Variants in WAPL observed in about 807,000 individuals in gnomAD.
The protein encoded by WAPL is wings apart-like protein homolog.
In WAPL, 5 loss-of-function variants were observed where a neutral mutation model predicts 121.0. That is an observed-to-expected ratio of 0.04 (90% CI 0.02 to 0.09). WAPL has a LOEUF of 0.09. WAPL is among the 10% of genes least tolerant of loss of function. The probability of loss-of-function intolerance (pLI) is 1.00; values close to 1 mark genes in which losing one functional copy is unlikely to be tolerated. For synonymous variants in WAPL, 480 were observed against 481.5 expected, an observed-to-expected ratio of 1.00 and a Z score of 0.04; for missense variants, 999 against 1,410.8, an observed-to-expected ratio of 0.71 and a Z score of 4.68.
intron 12 of WAPL, among the ~76,000 whole-genome samples, chr10:86,455,704 A>AG (rs1491523820): frequency 7.1e-5 from 9 of 126,484 alleles, no homozygotes; most frequent in African/African-American, 1.9e-4. Flanking sequence ...AAAGAAAGAA[A>AG]GAAAAAAAAA....
At chr10:86,485,049 CTCCCCCGTCCCTCCCATCT>C (rs1841898413) in intron 4 of WAPL, among the ~76,000 whole-genome samples, 2 of 147,466 alleles carry the variant, frequency 1.4e-5, no homozygotes, top group Non-Finnish European at 3.0e-5. Context: ...TCTCTCTCCC[CTCCCCCGTCCCTCCCATCT>C]CCCCCCACTC....
At chr10:86,470,323 C>T (rs756219065) in intron 8 of WAPL, among the ~76,000 whole-genome samples, 7 of 152,012 alleles carry the variant, frequency 4.6e-5, no homozygotes, top group African/African-American at 9.7e-5. Context: ...CATGAGCCAC[C>T]GCGCCCAGCC....
chr10:86,450,008 A>G (rs145653471), intron 15 of WAPL, among the ~76,000 whole-genome samples: 305 of 152,330 alleles, frequency 2.0e-3, no homozygotes, highest in African/African-American at 6.8e-3. Context: ...GCAGATGAAA[A>G]TGGTGAAACT....
intron 8 of WAPL, among the ~76,000 whole-genome samples, 155 bp from the exon 9 acceptor site, chr10:86,467,661 C>T (rs898716459): frequency 6.6e-6 from 1 of 151,658 alleles, no homozygotes; most frequent in Non-Finnish European, 1.5e-5. Flanking sequence ...TTTTATTCAG[C>T]GGTCCCTCTA....
chr10:86,488,369 G>A (rs1841971152), intron 4 of WAPL: 1 of 152,174 alleles, frequency 6.6e-6, no homozygotes, highest in Admixed American at 6.5e-5. Flanking sequence ...CTGCAAACAG[G>A]AATCCTTGAA....
At chr10:86,486,071 G>C (rs1265601234) in intron 4 of WAPL, among the ~76,000 whole-genome samples, 1 of 152,104 alleles carries the variant, frequency 6.6e-6, no homozygotes, top group Non-Finnish European at 1.5e-5. Context: ...CAATCCAATT[G>C]CTACAGTCAT....
chr10:86,463,551 C>A (rs1841335013), intron 9 of WAPL, among the ~76,000 whole-genome samples: 1 of 152,154 alleles, frequency 6.6e-6, no homozygotes, highest in African/African-American at 2.4e-5. Flanking sequence ...GAAAAAAGCT[C>A]ACAGAATATT....
chr10:86,437,874 G>GT, intron 18 of WAPL, 46 bp downstream of exon 18: 3 of 1,400,550 alleles, frequency 2.1e-6, no homozygotes, highest in Non-Finnish European at 2.0e-6. Flanking sequence ...TACTGTCAAT[G>GT]TATTATAAAT....
intron 1 of WAPL, among the ~76,000 whole-genome samples, chr10:86,521,036 C>G (rs1044360600): frequency 1.3e-5 from 2 of 152,082 alleles, no homozygotes; most frequent in African/African-American, 4.8e-5. Flanking sequence ...TTCGACGCCC[C>G]GGAAGCCTCT....
rs559987194 is a variant in WAPL at position 86,496,215 on chromosome 10, T to C, written c.1644+986A>G. On this transcript the variant is annotated intron_variant, in intron 4 of 18. Coordinates refer to ENST00000298767, the MANE Select transcript of WAPL (RefSeq NM_015045.5). ...AAAAAATGCTCAACATCACTAATCA[T>C]TAGTGAAGTGCAAATCAAACCACAA... 5.9e-5 allele frequency among the ~76,000 whole-genome samples: 9 copies of C among 152,308 alleles called. No homozygotes were observed. In the East Asian group the frequency reaches 1.7e-3, roughly 29 times the overall value.
At chr10:86,509,630 C>T (rs1323285024) in intron 2 of WAPL, among the ~76,000 whole-genome samples, 2 of 152,168 alleles carry the variant, frequency 1.3e-5, no homozygotes, top group African/African-American at 4.8e-5. Context: ...AAGGAGGCAT[C>T]CCCGTAGACC....
Position 86,472,378 on chromosome 10 carries a change from C to G in WAPL, c.1894-34G>C. Reference sequence around the variant, plus strand: ...AAAAAAAAAGTTCACCCCTTTTTAACTAGGAACTAGCATATTTAAATCTAT... The same window carrying G: ...AAAAAAAAAGTTCACCCCTTTTTAAGTAGGAACTAGCATATTTAAATCTAT... On this transcript the variant is annotated intron_variant, in intron 6 of 18. Coordinates refer to ENST00000298767, the MANE Select transcript of WAPL (RefSeq NM_015045.5). This position sits in a 1 kb window ranked among gnomAD's most constrained non-coding sequence, Gnocchi z 4.2. 1 of 1,584,358 alleles carries G rather than the reference C, an allele frequency of 6.3e-7. No individual in the cohort carries two copies. Among genetic ancestry groups the G allele is most frequent in the Non-Finnish European group, 8.5e-7 (1 of 1,172,626 alleles).
rs146887566 is a variant in WAPL, at chr10:86,499,769, G to C, written c.1474C>G (p.Pro492Ala). The C allele has an allele frequency of 1.6e-3, 2,629 of 1,603,354 alleles. 8 individuals carry two copies. Among genetic ancestry groups the C allele is most frequent in the Admixed American group, 2.0e-3 (115 of 57,180 alleles). The stretch of plus-strand genomic sequence containing the variant: ...TCCTGGGAATTATCATTGCTTTCTG[G>C]GGGAGGCTGCAAGGAGGGTGATGGA... ...TAPSPSLQPPPESNDNSQDSQ... is the reference protein window; with the variant it reads ...TAPSPSLQPPAESNDNSQDSQ... Residue 492 changes from proline to alanine, a missense_variant, in exon 3 of 19, where the codon CCA (proline) becomes GCA (alanine). By Grantham distance (27) the Pro-to-Ala change is conservative. Around this residue, in one of 7 missense-constraint regions of WAPL, gnomAD observed 531 missense variants for 563.1 expected, o/e 0.94. Coordinates refer to ENST00000298767, the MANE Select transcript of WAPL (RefSeq NM_015045.5).
intron 2 of WAPL, among the ~76,000 whole-genome samples, chr10:86,505,087 G>C (rs1280653555): frequency 1.3e-5 from 2 of 151,902 alleles, no homozygotes; most frequent in African/African-American, 2.4e-5. Context: ...CTGTGATCAT[G>C]ATGTAGTACA....
intron 4 of WAPL, among the ~76,000 whole-genome samples, chr10:86,496,839 A>G (rs954731775): frequency 3.9e-5 from 6 of 152,156 alleles, no homozygotes; most frequent in Non-Finnish European, 7.3e-5. Context: ...ACTTAGAAAA[A>G]GCACATTCCT....
rs1033425025 is a variant in WAPL at position 86,499,707 on chromosome 10, T to A, written c.1525+11A>T. 41 of 1,538,700 alleles carry A rather than the reference T, an allele frequency of 2.7e-5. No individual in the cohort carries two copies. The highest frequency in any genetic ancestry group is 4.2e-5 in the African/African-American group (3 of 71,932). ...TATTGTACTTATTATACATATTTTT[T>A]AAATTCTTACCTGCATTGTTAGTAC... On this transcript the variant is annotated intron_variant, in intron 3 of 18. Coordinates refer to ENST00000298767, the MANE Select transcript of WAPL (RefSeq NM_015045.5).
chr10:86,513,601 C>T (rs1221957550), intron 2 of WAPL, among the ~76,000 whole-genome samples: 1 of 152,074 alleles, frequency 6.6e-6, no homozygotes, highest in Non-Finnish European at 1.5e-5. Context: ...AGGCATGAGC[C>T]GCCACACCCG....
Position 86,484,249 on chromosome 10 carries a change from A to G in WAPL, c.1645-10276T>C, listed in dbSNP as rs947101654. On this transcript the variant is annotated intron_variant, in intron 4 of 18. Coordinates refer to ENST00000298767, the MANE Select transcript of WAPL (RefSeq NM_015045.5). The stretch of plus-strand genomic sequence containing the variant: ...AGTGCCTCACGTCTGTAATCCCAAC[A>G]CTTTGGGAGGCCAAGCTGGGAGGAT... 7.2e-5 allele frequency among the ~76,000 whole-genome samples: 11 copies of G among 152,288 alleles called. No homozygotes were observed. In the South Asian group the frequency reaches 1.7e-3, roughly 23 times the overall value.
chr10:86,513,850 G>A (rs1428891896), intron 2 of WAPL, among the ~76,000 whole-genome samples: 1 of 152,132 alleles, frequency 6.6e-6, no homozygotes, highest in Non-Finnish European at 1.5e-5. Context: ...GGAAAGATAT[G>A]ACGGAACTTC....
Sources: gnomAD v4.1 joint callset for allele counts (sites outside exome capture counted in the v4.1 genomes callset) on GRCh38, gnomAD v4.1.1 for gene constraint, gnomAD v4.1.1 regional missense constraint, Gnocchi (gnomAD v3.1) non-coding constraint, MANE v1.5 for transcripts, NCBI Gene and HGNC (gene_info 2026-07-23, HGNC 2026-07-21) for gene names.